ZNF385D: variants seen among roughly 807,000 people sequenced by gnomAD.
ZNF385D encodes the protein zinc finger protein 659.
A neutral mutation model predicts 35.8 loss-of-function variants in ZNF385D; 15 were observed. That is an observed-to-expected ratio of 0.42 (90% CI 0.28 to 0.64). ZNF385D has a LOEUF of 0.64. Ranked by LOEUF, ZNF385D falls within the 30% of genes least tolerant of loss-of-function variation. ZNF385D has a pLI of 0.23. For synonymous variants in ZNF385D, 212 were observed against 186.8 expected (o/e 1.13, Z -1.10); for missense variants, 474 against 494.6 (o/e 0.96, Z 0.39).
intron 3 of ZNF385D, among the ~76,000 whole-genome samples, chr3:22,089,539 C>G (rs1041645044): frequency 6.6e-6 from 1 of 152,130 alleles, no homozygotes; most frequent in Non-Finnish European, 1.5e-5. Flanking sequence ...GTGCTTTTAA[C>G]AGTGGCTGGT....
chr3:21,667,649 T>C (rs993296336), intron 1 of ZNF385D, among the ~76,000 whole-genome samples: 1 of 152,222 alleles, frequency 6.6e-6, no homozygotes, highest in Non-Finnish European at 1.5e-5. Context: ...ACCATGCTTA[T>C]AATTACAAGA....
intron 3 of ZNF385D, among the ~76,000 whole-genome samples, chr3:21,933,014 G>T (rs1009579192): frequency 6.6e-6 from 1 of 152,130 alleles, no homozygotes; most frequent in Admixed American, 6.5e-5. Flanking sequence ...TCCCCCAGGG[G>T]ATGTTGAAGT....
At position 21,858,921 on chromosome 3, in the gene ZNF385D, A is replaced by T. The variant is rs552906096; in HGVS notation, c.326-193893T>A. Among the ~76,000 whole-genome samples the T allele has an allele frequency of 5.3e-5, 8 of 152,174 alleles. No homozygotes were observed. The South Asian group carries it at 1.5e-3, about 28-fold the overall frequency. On this transcript the variant is annotated intron_variant, in intron 3 of 5. Coordinates refer to the ZNF385D transcript ENST00000494108. ...ATCCGATAACAGGTCCAATCTGTAA[A>T]TGCCACATGGTTCCTGTTTCCCCTC...
At chr3:22,223,985 T>C (rs1190468694) in intron 2 of ZNF385D, among the ~76,000 whole-genome samples, 1 of 152,158 alleles carries the variant, frequency 6.6e-6, no homozygotes, top group Non-Finnish European at 1.5e-5. Flanking sequence ...TGGTGCCTGG[T>C]TCATAGAATA....
At chr3:21,915,124 T>C (rs1700134894) in intron 3 of ZNF385D, among the ~76,000 whole-genome samples, 1 of 151,920 alleles carries the variant, frequency 6.6e-6, no homozygotes, top group African/African-American at 2.4e-5. Context: ...TGTGATTCAA[T>C]TCACATGGCA....
At chr3:22,350,418 TA>T (rs1425130946) in intron 2 of ZNF385D, among the ~76,000 whole-genome samples, 1 of 152,132 alleles carries the variant, frequency 6.6e-6, no homozygotes, top group Non-Finnish European at 1.5e-5. Flanking sequence ...GATATCATAA[TA>T]AAATATTGAC....
At chr3:22,048,411 T>G (rs1484387829) in intron 3 of ZNF385D, among the ~76,000 whole-genome samples, 4 of 152,222 alleles carry the variant, frequency 2.6e-5, no homozygotes, top group Non-Finnish European at 5.9e-5. Flanking sequence ...CCATTTGAGT[T>G]GATTTTTCAA....
intron 2 of ZNF385D, among the ~76,000 whole-genome samples, chr3:22,280,226 T>C (rs1701665506): frequency 6.6e-6 from 1 of 152,074 alleles, no homozygotes; most frequent in African/African-American, 2.4e-5. Flanking sequence ...CTATGGCTTG[T>C]CTGTGTACTC....
chr3:21,725,978 T>C (rs6809075), intron 1 of ZNF385D, among the ~76,000 whole-genome samples: 102,605 of 152,000 alleles, frequency 0.68, 34,727 homozygotes, highest in East Asian at 0.76. Flanking sequence ...GTTTATCCAC[T>C]ACGATCAAGT....
At chr3:21,900,459 T>C (rs1467085390) in intron 3 of ZNF385D, among the ~76,000 whole-genome samples, 1 of 152,166 alleles carries the variant, frequency 6.6e-6, no homozygotes, top group African/African-American at 2.4e-5. Context: ...TCTTTGCTGA[T>C]TACTATAACA....
chr3:21,871,728 G>T (rs1347779176), intron 3 of ZNF385D, among the ~76,000 whole-genome samples: 1 of 152,044 alleles, frequency 6.6e-6, no homozygotes, highest in Non-Finnish European at 1.5e-5. Flanking sequence ...ACTCCAGGCC[G>T]GGCGCAGTGG....
intron 3 of ZNF385D, among the ~76,000 whole-genome samples, chr3:21,856,906 C>A (rs1163855303): frequency 6.6e-6 from 1 of 152,068 alleles, no homozygotes; most frequent in Non-Finnish European, 1.5e-5. Flanking sequence ...TTAAAAACGT[C>A]CAAGGCATGA....
At chr3:21,782,034 C>T (rs1404354865) in intron 3 of ZNF385D, among the ~76,000 whole-genome samples, 6 of 152,106 alleles carry the variant, frequency 3.9e-5, no homozygotes, top group Non-Finnish European at 7.4e-5. Flanking sequence ...GACTCCTCTG[C>T]ACCCTATATG....
At chr3:22,183,862 C>A (rs1368963712) in intron 2 of ZNF385D, among the ~76,000 whole-genome samples, 1 of 150,846 alleles carries the variant, frequency 6.6e-6, no homozygotes, top group Non-Finnish European at 1.5e-5. Flanking sequence ...TAGTTTTCAA[C>A]AAATTTTTTT....
At chr3:22,102,405 T>C (rs1040276887) in intron 3 of ZNF385D, among the ~76,000 whole-genome samples, 2 of 152,032 alleles carry the variant, frequency 1.3e-5, no homozygotes, top group Non-Finnish European at 2.9e-5. Context: ...AAAATATGAA[T>C]CCCTGCAGTT....
At chr3:21,996,542 AT>A (rs1219504128) in intron 3 of ZNF385D, among the ~76,000 whole-genome samples, 1 of 152,140 alleles carries the variant, frequency 6.6e-6, no homozygotes, top group Non-Finnish European at 1.5e-5. Context: ...TGAAACTCAT[AT>A]TTTGATAGAA....
chr3:21,611,382 C>G (rs1553623235), intron 2 of ZNF385D, among the ~76,000 whole-genome samples: 2 of 152,168 alleles, frequency 1.3e-5, no homozygotes, highest in Non-Finnish European at 2.9e-5. Context: ...CTATGCTACT[C>G]CTTCTGGGGG....
chr3:21,413,820 C>G lies in ZNF385D; in HGVS notation c.*7394G>C, dbSNP rs1700525632. 1 of 152,074 alleles carries G rather than the reference C, an allele frequency of 6.6e-6. No homozygotes were observed. The highest frequency in any genetic ancestry group is 1.5e-5 in the Non-Finnish European group (1 of 67,982). 9.4% of individuals were successfully genotyped at this position (152,074 alleles called of 1,614,324 possible). On this transcript the variant is annotated 3_prime_UTR_variant, in exon 8 of 8. Transcript: ENST00000281523. The stretch of plus-strand genomic sequence containing the variant: ...AAGAACACTGCCTTCAATTTATAGT[C>G]ACTAAATGCATGTGGATTAAAATAT...
chr3:21,787,853 A>T (rs1472741012), intron 3 of ZNF385D, among the ~76,000 whole-genome samples: 1 of 149,910 alleles, frequency 6.7e-6, no homozygotes, highest in Non-Finnish European at 1.5e-5. Flanking sequence ...GAGGCAGGAG[A>T]ATGGCGTGAA....
Sources: allele counts gnomAD v4.1 joint callset (sites outside exome capture counted in the v4.1 genomes callset), GRCh38; gene constraint gnomAD v4.1.1; transcripts MANE v1.5; gene names NCBI Gene and HGNC (gene_info 2026-07-23, HGNC 2026-07-21).